CAMTA1: variants seen among roughly 807,000 people sequenced by gnomAD.
The protein encoded by CAMTA1 is calmodulin binding transcription activator 1, also known as calmodulin-binding transcription activator 1.
Under a neutral mutation model 170.9 loss-of-function variants are expected in CAMTA1, and 27 were observed. The observed-to-expected ratio is 0.16, with a 90% CI of 0.12 to 0.22. The LOEUF is 0.22. CAMTA1 is among the 10% of genes least tolerant of loss of function. CAMTA1 has a pLI of 1.00. For missense variants in CAMTA1, 1,619 were observed against 2,217.2 expected (o/e 0.73, Z 5.42); for synonymous variants, 833 against 891.5 (o/e 0.93, Z 1.17).
At chr1:6,798,600 T>TAGTAGAGGTGAGGTG (rs1435736432) in intron 1 of CAMTA1, among the ~76,000 whole-genome samples, 8 of 128,072 alleles carry the variant, frequency 6.2e-5, no homozygotes, top group South Asian at 2.7e-4. Context: ...TTTTTTTTTT[T>TAGTAGAGGTGAGGTG]TTTTTTTGAG....
intron 3 of CAMTA1, among the ~76,000 whole-genome samples, chr1:7,089,557 T>TCCCAC (rs1249975990): frequency 2.2e-5 from 3 of 137,312 alleles, no homozygotes; most frequent in African/African-American, 7.7e-5. Context: ...TCCCATCCCA[T>TCCCAC]CCCATCCCAT....
rs57819326 is a variant in CAMTA1 at position 7,197,678 on chromosome 1, A to ACACACACACACACACT, written c.303-51813_303-51812insCACACACACACACACT. On this transcript the variant is annotated intron_variant, in intron 4 of 22. Coordinates refer to ENST00000303635, the MANE Select transcript of CAMTA1 (RefSeq NM_015215.4). ...CACACACACACACACACACACACAC[A>ACACACACACACACACT]ATCTACTTGCTTATTTATCTGCTCA... Among the ~76,000 whole-genome samples, 656 of 139,218 alleles carry ACACACACACACACACT rather than the reference A, an allele frequency of 4.7e-3. 28 individuals are homozygous for ACACACACACACACACT. Among genetic ancestry groups the ACACACACACACACACT allele is most frequent in the Non-Finnish European group, 7.6e-3 (484 of 63,996 alleles). 91.3% of individuals were successfully genotyped at this position (139,218 alleles called of 152,430 possible). A position where few individuals can be genotyped will look rare whatever the true frequency, so the allele number is the denominator to read the frequency against.
At chr1:6,790,449 G>A (rs1640768891) in intron 1 of CAMTA1, among the ~76,000 whole-genome samples, 1 of 151,322 alleles carries the variant, frequency 6.6e-6, no homozygotes, top group Admixed American at 6.6e-5. Context: ...TGATTGTGTA[G>A]GCATAACTTT....
At chr1:7,157,322 GT>G (rs1202719059) in intron 4 of CAMTA1, among the ~76,000 whole-genome samples, 1 of 128,018 alleles carries the variant, frequency 7.8e-6, no homozygotes, top group African/African-American at 2.9e-5. Flanking sequence ...TCCAGCCTGG[GT>G]GACAGAGTGA....
intron 3 of CAMTA1, among the ~76,000 whole-genome samples, chr1:6,997,847 G>T (rs576650403): frequency 6.6e-6 from 1 of 151,212 alleles, no homozygotes; most frequent in African/African-American, 2.4e-5. Context: ...TTTTTAGTAG[G>T]GACGGGGTTT....
At chr1:7,509,946 C>A (rs1193176) in intron 6 of CAMTA1, among the ~76,000 whole-genome samples, 95,178 of 150,208 alleles carry the variant, frequency 0.63, 31,432 homozygotes, top group Middle Eastern at 0.74. Context: ...GAAAAGCTAC[C>A]CTGACTCTCA....
At chr1:7,298,510 G>C (rs929675504) in intron 5 of CAMTA1, among the ~76,000 whole-genome samples, 3 of 152,074 alleles carry the variant, frequency 2.0e-5, no homozygotes, top group Non-Finnish European at 2.9e-5. Flanking sequence ...TCTCTTCTGG[G>C]ACTGTCTACA....
intron 3 of CAMTA1, chr1:6,888,225 C>G: frequency 1.0e-6 from 1 of 985,960 alleles, no homozygotes; most frequent in South Asian, 4.7e-5. Flanking sequence ...TGCGTCGCAT[C>G]CTTTCTGAAT....
At chr1:7,506,118 A>G (rs2094104784) in intron 6 of CAMTA1, among the ~76,000 whole-genome samples, 1 of 152,184 alleles carries the variant, frequency 6.6e-6, no homozygotes, top group Non-Finnish European at 1.5e-5. Context: ...CCTGGGGAAC[A>G]GACCACCCCC....
At chr1:6,900,510 T>G (rs913726037) in intron 3 of CAMTA1, among the ~76,000 whole-genome samples, 1 of 152,226 alleles carries the variant, frequency 6.6e-6, no homozygotes, top group African/African-American at 2.4e-5. Context: ...GAATTTAGCC[T>G]TTATTTGCAA....
chr1:7,438,640 G>C (rs1203711328), intron 5 of CAMTA1, among the ~76,000 whole-genome samples: 1 of 152,188 alleles, frequency 6.6e-6, no homozygotes, highest in Non-Finnish European at 1.5e-5. Flanking sequence ...TGGCTGCAAT[G>C]CAGCTGTGGC....
chr1:6,960,642 G>A (rs1220410295), intron 3 of CAMTA1, among the ~76,000 whole-genome samples: 1 of 152,130 alleles, frequency 6.6e-6, no homozygotes. Flanking sequence ...TTATCACATC[G>A]GACACGGATT....
In CAMTA1 at chr1:7,507,488, C is replaced by T. The variant is rs74671775; in HGVS notation, c.510+39587C>T. Among the ~76,000 whole-genome samples the T allele has an allele frequency of 6.3e-3, 965 of 152,336 alleles. 6 individuals are homozygous for T. Among genetic ancestry groups the T allele is most frequent in the Non-Finnish European group, 0.01 (706 of 68,028 alleles). The stretch of plus-strand genomic sequence containing the variant: ...TTCCTTTCTCTCTCATCTTTGGCAC[C>T]TGAAAAACCCCAACATTCCCAGGAG... On this transcript the variant is annotated intron_variant, in intron 6 of 22. Transcript: ENST00000303635.
chr1:7,219,376 G>A (rs1431540277), intron 4 of CAMTA1: 1 of 151,800 alleles, frequency 6.6e-6, no homozygotes, highest in African/African-American at 2.4e-5. Context: ...ACCTGGCACG[G>A]GAGATATACC....
chr1:7,604,024 G>T (rs2095467021), intron 6 of CAMTA1, among the ~76,000 whole-genome samples: 1 of 152,144 alleles, frequency 6.6e-6, no homozygotes, highest in Non-Finnish European at 1.5e-5. Context: ...ACTCTCTTCT[G>T]GCTTGTAGAG....
At chr1:7,157,170 C>T (rs538734325) in intron 4 of CAMTA1, among the ~76,000 whole-genome samples, 2 of 151,760 alleles carry the variant, frequency 1.3e-5, no homozygotes, top group East Asian at 3.9e-4. Flanking sequence ...GGTGAAACCC[C>T]ATCTCTACTA....
chr1:7,506,826 C>T (rs1443139980), intron 6 of CAMTA1, among the ~76,000 whole-genome samples: 1 of 151,834 alleles, frequency 6.6e-6, no homozygotes, highest in Non-Finnish European at 1.5e-5. Context: ...CACAGAACTA[C>T]ACCCATGCTT....
intron 3 of CAMTA1, among the ~76,000 whole-genome samples, chr1:6,979,273 G>A (rs532081166): frequency 3.0e-4 from 46 of 152,260 alleles, no homozygotes; most frequent in Non-Finnish European, 6.0e-4. Context: ...CGGCACAGGG[G>A]GGCTTCCTAG....
chr1:7,045,242 G>A (rs1267845501), intron 3 of CAMTA1, among the ~76,000 whole-genome samples: 1 of 152,106 alleles, frequency 6.6e-6, no homozygotes, highest in Non-Finnish European at 1.5e-5. Context: ...GCGAAAGGTG[G>A]CAGAACCCAA....
Sources: allele counts gnomAD v4.1 joint callset (sites outside exome capture counted in the v4.1 genomes callset), GRCh38; gene constraint gnomAD v4.1.1; transcripts MANE v1.5; gene names NCBI Gene and HGNC (gene_info 2026-07-23, HGNC 2026-07-21).